Variants in HACD2 observed in about 807,000 individuals in gnomAD.
The protein encoded by HACD2 is 3-hydroxyacyl-CoA dehydratase 2.
Under a neutral mutation model 31.0 loss-of-function variants are expected in HACD2, and 15 were observed. The observed-to-expected ratio is 0.48, with a 90% CI of 0.32 to 0.75. The LOEUF is 0.75. HACD2 is among the 30% of genes least tolerant of loss of function. HACD2 has a pLI of 0.03. For synonymous variants in HACD2, 115 were observed against 122.2 expected, an observed-to-expected ratio of 0.94 and a Z score of 0.39; for missense variants, 283 against 313.0, an observed-to-expected ratio of 0.90 and a Z score of 0.72.
At chr3:123,501,150 A>T (rs1355387012) in intron 5 of HACD2, among the ~76,000 whole-genome samples, 1 of 151,814 alleles carries the variant, frequency 6.6e-6, no homozygotes, top group African/African-American at 2.4e-5. Context: ...AAAAAATAGC[A>T]TAAGCATCTG....
intron 6 of HACD2, chr3:123,499,251 A>C (rs1242244880): frequency 5.6e-6 from 1 of 178,628 alleles, no homozygotes; most frequent in Non-Finnish European, 1.2e-5. Context: ...GAGACTGGAA[A>C]ATGAAACTCT....
intron 4 of HACD2, among the ~76,000 whole-genome samples, chr3:123,512,656 A>G (rs1311474313): frequency 1.3e-5 from 2 of 152,196 alleles, no homozygotes; most frequent in Admixed American, 1.3e-4. Context: ...AAAAATCAAT[A>G]TATTAAGGAA....
At chr3:123,573,679 T>C (rs993411965) in intron 2 of HACD2, among the ~76,000 whole-genome samples, 1 of 152,148 alleles carries the variant, frequency 6.6e-6, no homozygotes, top group African/African-American at 2.4e-5. Context: ...TGTAACTCCT[T>C]TGAGTTACTG....
chr3:123,558,877 A>G (rs1355410338), intron 3 of HACD2, among the ~76,000 whole-genome samples: 2 of 152,226 alleles, frequency 1.3e-5, no homozygotes, highest in East Asian at 3.8e-4. Context: ...TGAAGCTAAG[A>G]ATAGGTGTAA....
chr3:123,514,816 C>T (rs1447965561), intron 4 of HACD2, among the ~76,000 whole-genome samples: 1 of 152,158 alleles, frequency 6.6e-6, no homozygotes, highest in Non-Finnish European at 1.5e-5. Context: ...ATGATAGTTC[C>T]CATTAGCAGG....
chr3:123,527,396 A>G (rs996839270), intron 4 of HACD2, among the ~76,000 whole-genome samples: 7 of 152,116 alleles, frequency 4.6e-5, no homozygotes, highest in Admixed American at 1.3e-4. Flanking sequence ...ATGAAATCTC[A>G]TGCTGTCCCA....
chr3:123,567,619 C>T (rs2056805713), intron 3 of HACD2, 143 bp downstream of exon 3: 3 of 504,910 alleles, frequency 5.9e-6, no homozygotes, highest in Non-Finnish European at 6.7e-6. Context: ...CTGAAAGCCA[C>T]TCTAATTTCA....
chr3:123,573,636 T>C (rs549494968), intron 2 of HACD2, among the ~76,000 whole-genome samples: 59 of 152,332 alleles, frequency 3.9e-4, no homozygotes, highest in African/African-American at 1.0e-3. Flanking sequence ...CCTCAGCCTT[T>C]ATCACTAATA....
chr3:123,541,884 A>G (rs944070815), intron 3 of HACD2, among the ~76,000 whole-genome samples: 1 of 152,214 alleles, frequency 6.6e-6, no homozygotes, highest in African/African-American at 2.4e-5. Context: ...TAAAGTATAT[A>G]AAGAATACAT....
intron 3 of HACD2, among the ~76,000 whole-genome samples, chr3:123,556,809 C>T (rs540338476): frequency 6.6e-6 from 1 of 152,242 alleles, no homozygotes; most frequent in Admixed American, 6.5e-5. Flanking sequence ...TGAATAGACA[C>T]CTTGCCCCAA....
At chr3:123,582,151 A>T in intron 2 of HACD2, 61 bp downstream of exon 2, 1 of 1,116,250 alleles carries the variant, frequency 9.0e-7, no homozygotes, top group Non-Finnish European at 1.3e-6. Flanking sequence ...AATATAATTT[A>T]GTTGCATGTT....
At chr3:123,526,168 A>G (rs964302516) in intron 4 of HACD2, among the ~76,000 whole-genome samples, 1 of 152,026 alleles carries the variant, frequency 6.6e-6, no homozygotes, top group Non-Finnish European at 1.5e-5. Context: ...CTGGCCTCTG[A>G]GGGGCCACAG....
At chr3:123,540,740 A>G (rs1010656121) in intron 3 of HACD2, among the ~76,000 whole-genome samples, 3 of 150,906 alleles carry the variant, frequency 2.0e-5, no homozygotes, top group Non-Finnish European at 2.9e-5. Flanking sequence ...TTCACCAGCA[A>G]GAGCACATCA....
chr3:123,583,910 A>T (rs1156260601), intron 1 of HACD2, among the ~76,000 whole-genome samples: 1 of 152,232 alleles, frequency 6.6e-6, no homozygotes, highest in Non-Finnish European at 1.5e-5. Flanking sequence ...ATAAAAATGG[A>T]TGTTCACTAT....
At chr3:123,497,355 G>A (rs2055846217) in intron 6 of HACD2, among the ~76,000 whole-genome samples, 1 of 152,188 alleles carries the variant, frequency 6.6e-6, no homozygotes, top group African/African-American at 2.4e-5. Context: ...GACAGTCCCT[G>A]TGTGTTGGGG....
At chr3:123,527,734 AT>A (rs2056301687) in intron 4 of HACD2, among the ~76,000 whole-genome samples, 1 of 152,224 alleles carries the variant, frequency 6.6e-6, no homozygotes. Flanking sequence ...GGAAAAAGAA[AT>A]TTGTGCTTGT....
At chr3:123,520,523 T>C (rs773626123) in intron 4 of HACD2, among the ~76,000 whole-genome samples, 4 of 152,364 alleles carry the variant, frequency 2.6e-5, no homozygotes, top group Admixed American at 6.5e-5. Context: ...AGCTACTGTA[T>C]TGAAGAATGC....
intron 6 of HACD2, chr3:123,499,261 T>TAA (rs373970384): frequency 9.1e-4 from 142 of 155,556 alleles, no homozygotes; most frequent in East Asian, 5.4e-3. Flanking sequence ...AATGAAACTC[T>TAA]AAAAAAAAAA....
chr3:123,544,822 T>C (rs527787808), intron 3 of HACD2, among the ~76,000 whole-genome samples: 17 of 152,148 alleles, frequency 1.1e-4, no homozygotes, highest in Admixed American at 2.0e-4. Flanking sequence ...CACAGAAATG[T>C]ATTTCAAGAT....
Sources: allele counts gnomAD v4.1 joint callset (sites outside exome capture counted in the v4.1 genomes callset), GRCh38; gene constraint gnomAD v4.1.1; transcripts MANE v1.5; gene names NCBI Gene and HGNC (gene_info 2026-07-23, HGNC 2026-07-21).